Variants in PID1 observed in about 807,000 individuals in gnomAD.
The protein encoded by PID1 is phosphotyrosine interaction domain containing 1.
Under a neutral mutation model 19.1 loss-of-function variants are expected in PID1, and 10 were observed. The observed-to-expected ratio is 0.52, with a 90% CI of 0.32 to 0.89. The LOEUF is 0.89. Among genes scored for constraint, PID1 ranks in the 40% least tolerant of loss-of-function variants. The pLI, the probability that PID1 is intolerant of heterozygous loss-of-function variation, is 0.03. For missense variants in PID1, 248 were observed against 285.3 expected (o/e 0.87, Z 0.94); for synonymous variants, 130 against 116.0 (o/e 1.12, Z -0.78).
At chr2:229,251,422 C>A (rs1416360968) in intron 1 of PID1, among the ~76,000 whole-genome samples, 2 of 152,078 alleles carry the variant, frequency 1.3e-5, no homozygotes, top group Non-Finnish European at 2.9e-5. Flanking sequence ...TGAGTCTATT[C>A]CACTGTCAGT....
chr2:229,054,733 G>GT (rs1694064983), intron 2 of PID1, among the ~76,000 whole-genome samples: 1 of 83,202 alleles, frequency 1.2e-5, no homozygotes, highest in Non-Finnish European at 2.4e-5. Context: ...GGGGGGGGGG[G>GT]GTCTGGTTTT....
rs114260929 is a variant in PID1 at position 229,236,948 on chromosome 2, C to T, written c.30+34066G>A. On this transcript the variant is annotated intron_variant, in intron 1 of 2. Coordinates refer to ENST00000392055, the MANE Select transcript of PID1 (RefSeq NM_001100818.2). ...ACTACAACATCAGGGTAGTGTGTCC[C>T]GCAAAGCCTAGCATGCGGCCTTCTC... 5.0e-3 allele frequency among the ~76,000 whole-genome samples: 751 copies of T among 150,852 alleles called. 5 individuals are homozygous for T. The highest frequency in any genetic ancestry group is 0.018 in the African/African-American group (723 of 41,098).
intron 2 of PID1, among the ~76,000 whole-genome samples, chr2:229,105,046 T>A (rs947610288): frequency 6.6e-6 from 1 of 152,258 alleles, no homozygotes; most frequent in Non-Finnish European, 1.5e-5. Flanking sequence ...GTTAACCTGC[T>A]GAATGTTTAT....
At chr2:229,249,362 G>A (rs1416801348) in intron 1 of PID1, among the ~76,000 whole-genome samples, 2 of 152,128 alleles carry the variant, frequency 1.3e-5, no homozygotes, top group Non-Finnish European at 2.9e-5. Context: ...TCTTCTCTTA[G>A]CATGCTCATT....
intron 1 of PID1, among the ~76,000 whole-genome samples, chr2:229,255,945 G>T (rs1385315000): frequency 1.3e-5 from 2 of 152,224 alleles, no homozygotes; most frequent in African/African-American, 2.4e-5. Flanking sequence ...CAGGTGGGCT[G>T]CGAGAGCTGT....
intron 2 of PID1, among the ~76,000 whole-genome samples, chr2:229,062,999 T>A (rs1386242004): frequency 6.6e-6 from 1 of 152,098 alleles, no homozygotes; most frequent in Non-Finnish European, 1.5e-5. Flanking sequence ...TTTCATTTAT[T>A]TGAGTATTCT....
Position 229,271,084 on chromosome 2 carries a change from C to G in PID1, c.-41G>C, listed in dbSNP as rs1690725665. 1 of 1,537,932 alleles carries G rather than the reference C, an allele frequency of 6.5e-7. No homozygotes were observed. Among genetic ancestry groups the G allele is most frequent in the African/African-American group, 1.4e-5 (1 of 72,298 alleles). ...TTTGGCAGAGGAGACGCTGGCGAGA[C>G]TGTCGATCGCGCCGGGGGGCGAGGG... On this transcript the variant is annotated 5_prime_UTR_variant, in exon 1 of 3. Coordinates refer to ENST00000392055, the MANE Select transcript of PID1 (RefSeq NM_001100818.2).
intron 2 of PID1, among the ~76,000 whole-genome samples, chr2:229,028,005 C>T (rs940939307): frequency 4.6e-5 from 7 of 152,052 alleles, no homozygotes; most frequent in Non-Finnish European, 1.5e-5. Context: ...ATGGGGAGGC[C>T]TGACTGATAG....
At chr2:229,165,984 A>G (rs1690589217) in intron 1 of PID1, among the ~76,000 whole-genome samples, 1 of 152,218 alleles carries the variant, frequency 6.6e-6, no homozygotes, top group African/African-American at 2.4e-5. Context: ...AAAATTAGCA[A>G]TGACAGCAGA....
intron 2 of PID1, among the ~76,000 whole-genome samples, chr2:229,053,866 C>A (rs924651855): frequency 6.6e-6 from 1 of 152,238 alleles, no homozygotes; most frequent in Non-Finnish European, 1.5e-5. Context: ...TCATGACCAA[C>A]GTTTTGGGAT....
intron 1 of PID1, among the ~76,000 whole-genome samples, chr2:229,256,236 C>T (rs1690291886): frequency 6.6e-6 from 1 of 152,158 alleles, no homozygotes; most frequent in Non-Finnish European, 1.5e-5. Flanking sequence ...GCTCAGTGGT[C>T]GCTATTTGAA....
intron 1 of PID1, among the ~76,000 whole-genome samples, chr2:229,193,168 C>T (rs1691299249): frequency 6.6e-6 from 1 of 152,170 alleles, no homozygotes; most frequent in African/African-American, 2.4e-5. Flanking sequence ...CCAGGATCAA[C>T]CGGTGATATT....
intron 1 of PID1, among the ~76,000 whole-genome samples, chr2:229,227,474 C>T (rs1415305857): frequency 6.6e-6 from 1 of 152,210 alleles, no homozygotes; most frequent in Non-Finnish European, 1.5e-5. Flanking sequence ...TCACAATTTA[C>T]TGAAGTTACA....
At chr2:229,202,866 T>A (rs1331834420) in intron 1 of PID1, among the ~76,000 whole-genome samples, 1 of 152,230 alleles carries the variant, frequency 6.6e-6, no homozygotes, top group East Asian at 1.9e-4. Context: ...TGGTTACCAT[T>A]AATGTCCTTC....
rs576219920 is a variant in PID1, at chr2:229,191,379, C to G, written c.31-35415G>C. On this transcript the variant is annotated intron_variant, in intron 1 of 2. Transcript: ENST00000392055. Reference sequence around the variant, plus strand: ...GCTTCTAAGGATGCCAACACCCTCTCTCAAGAGAAAGGAATGAAATGCTCA... The same window carrying G: ...GCTTCTAAGGATGCCAACACCCTCTGTCAAGAGAAAGGAATGAAATGCTCA... 2.6e-5 allele frequency among the ~76,000 whole-genome samples: 4 copies of G among 152,302 alleles called. No individual in the cohort carries two copies. The East Asian group carries it at 7.7e-4, about 29-fold the overall frequency.
intron 1 of PID1, among the ~76,000 whole-genome samples, chr2:229,204,356 A>T (rs1312688176): frequency 2.0e-5 from 3 of 152,186 alleles, no homozygotes; most frequent in Non-Finnish European, 4.4e-5. Context: ...GAAAAAACAC[A>T]TCTTAATCCA....
intron 2 of PID1, among the ~76,000 whole-genome samples, chr2:229,140,487 G>GCACGCA (rs113605088): frequency 4.0e-5 from 6 of 151,120 alleles, no homozygotes; most frequent in Non-Finnish European, 8.9e-5. Flanking sequence ...TTAAAAGAGT[G>GCACGCA]CACACACACA....
intron 2 of PID1, among the ~76,000 whole-genome samples, chr2:229,044,131 T>G (rs1693827747): frequency 6.6e-6 from 1 of 152,180 alleles, no homozygotes; most frequent in African/African-American, 2.4e-5. Context: ...CCTTGTAAAC[T>G]CTGGATTTTC....
At chr2:229,219,146 TTTAC>T (rs1176896463) in intron 1 of PID1, among the ~76,000 whole-genome samples, 2 of 152,176 alleles carry the variant, frequency 1.3e-5, no homozygotes, top group Non-Finnish European at 1.5e-5. Flanking sequence ...AATTAACTTA[TTTAC>T]TTACTTATTT....
Sources: allele counts gnomAD v4.1 joint callset (sites outside exome capture counted in the v4.1 genomes callset), GRCh38; gene constraint gnomAD v4.1.1; transcripts MANE v1.5; gene names NCBI Gene and HGNC (gene_info 2026-07-23, HGNC 2026-07-21).